TCAF2: variants seen among roughly 807,000 people sequenced by gnomAD.
TCAF2 encodes the protein TRPM8 channel associated factor 2.
Under a neutral mutation model 33.9 loss-of-function variants are expected in TCAF2, and 6 were observed. That is an observed-to-expected ratio of 0.18 (90% CI 0.10 to 0.35). The LOEUF is 0.35. TCAF2 is among the 10% of genes least tolerant of loss of function. The pLI is 1.00. For missense variants in TCAF2, 109 were observed against 604.0 expected, an observed-to-expected ratio of 0.18 and a Z score of 8.59; for synonymous variants, 41 against 247.8, an observed-to-expected ratio of 0.17 and a Z score of 7.84.
chr7:143,721,625 C>A (rs1178460502), intron 4 of TCAF2, among the ~76,000 whole-genome samples: 1 of 72,182 alleles, frequency 1.4e-5, no homozygotes. Context: ...AACTATGACA[C>A]TTGAGTTTTT....
At position 143,724,606 on chromosome 7, in the gene TCAF2, C is replaced by T; in HGVS notation, c.2414C>T (p.Pro805Leu). 10 of 1,610,882 alleles carry T rather than the reference C, an allele frequency of 6.2e-6. No individual in the cohort carries two copies. Among genetic ancestry groups the T allele is most frequent in the Non-Finnish European group, 8.5e-6 (10 of 1,179,588 alleles). ...RAQAHEALSP[P>L]ERERRIKAHL... ...CAGGCCCACGAGGCTCTGAGCCCTC[C>T]AGAGCGAGAGAGGAGAATCAAGGCC... is the stretch of plus-strand genomic sequence containing the variant. The change falls in exon 7 of 8, where the codon CCA becomes CTA. Residue 805 changes from proline to leucine, a missense_variant. Pro to Leu is a moderately conservative substitution (Grantham distance 98). Transcript: ENST00000684770.
intron 1 of TCAF2, among the ~76,000 whole-genome samples, chr7:143,648,513 G>A (rs1379387427): frequency 7.3e-6 from 1 of 137,822 alleles, no homozygotes; most frequent in Non-Finnish European, 1.6e-5. Context: ...GCAAAGGAAG[G>A]CTGTAAAAAC....
intron 1 of TCAF2, chr7:143,645,765 G>A (rs1255392513): frequency 3.1e-5 from 1 of 32,292 alleles, no homozygotes; most frequent in Non-Finnish European, 6.1e-5. Flanking sequence ...ATAACACTAG[G>A]CACTTCAGTC....
rs1176361213 is a variant in TCAF2 at position 143,721,077 on chromosome 7, G to A, written c.1616-204G>A. On this transcript the variant is annotated intron_variant, in intron 3 of 7. Transcript: ENST00000684770. ...TTACAGTCGTGAGCCACTGGGCCCA[G>A]CTGACTCCATTCTTCATCAGGTACT... 3.1e-5 allele frequency: 11 copies of A among 352,246 alleles called. 2 individuals are homozygous for A. Among genetic ancestry groups the A allele is most frequent in the Non-Finnish European group, 5.7e-5 (11 of 193,530 alleles). The allele number at this position is 352,246 out of a possible 1,614,324, so 21.8% of individuals were successfully genotyped here.
In TCAF2 at chr7:143,730,296, C is replaced by A. The variant is rs543141751; in HGVS notation, c.*2629C>A. The A allele has an allele frequency of 6.6e-5, 10 of 152,228 alleles. No homozygotes were observed. Among genetic ancestry groups the A allele is most frequent in the African/African-American group, 2.4e-4 (10 of 41,534 alleles). The allele number at this position is 152,228 out of a possible 1,614,324, so 9.4% of individuals were successfully genotyped here. ...TGTTTCCTGACTTTTTAATGATCGC[C>A]ATTCTAACTGGCATGAGATGGTACC... On this transcript the variant is annotated 3_prime_UTR_variant, in exon 8 of 8. Transcript: ENST00000684770.
At chr7:143,648,011 C>T (rs1039754745) in intron 1 of TCAF2, among the ~76,000 whole-genome samples, 2 of 106,918 alleles carry the variant, frequency 1.9e-5, no homozygotes, top group Admixed American at 1.1e-4. Flanking sequence ...CTCCACCTAC[C>T]GGGTTCAAGC....
Position 143,729,958 on chromosome 7 carries a change from C to T in TCAF2, c.*2291C>T, listed in dbSNP as rs1809776602. On this transcript the variant is annotated 3_prime_UTR_variant, in exon 8 of 8. Coordinates refer to ENST00000684770, the MANE Select transcript of TCAF2 (RefSeq NM_001363538.2). ...ATGAACTCATTCTTTTTCATGGCTGCATGGTATTCAATGGTATATATGCCA... is the reference window on the plus strand; with the variant it reads ...ATGAACTCATTCTTTTTCATGGCTGTATGGTATTCAATGGTATATATGCCA... 1 of 152,102 alleles carries T rather than the reference C, an allele frequency of 6.6e-6. No homozygotes were observed. The highest frequency in any genetic ancestry group is 6.5e-5 in the Admixed American group (1 of 15,274). The allele number at this position is 152,102 out of a possible 1,614,324, so 9.4% of individuals were successfully genotyped here.
In TCAF2 at chr7:143,714,176, C is replaced by T. The variant is rs1372747269; in HGVS notation, c.624-5507C>T. The stretch of plus-strand genomic sequence containing the variant: ...CTGCAGGTCTTCAAAATGTTTTTTA[C>T]AGCATCTGATCAACATAGTTCTCTC... On this transcript the variant is annotated intron_variant, in intron 2 of 7. Transcript: ENST00000684770. Among the ~76,000 whole-genome samples the T allele has an allele frequency of 3.4e-5, 2 of 58,000 alleles. 1 individual carries two copies. Among genetic ancestry groups the T allele is most frequent in the Non-Finnish European group, 6.0e-5 (2 of 33,234 alleles). 38.1% of individuals were successfully genotyped at this position (58,000 alleles called of 152,430 possible).
Position 143,730,406 on chromosome 7 carries a change from T to C in TCAF2, c.*2739T>C, listed in dbSNP as rs1037620024. The C allele has an allele frequency of 2.6e-5, 4 of 152,204 alleles. No homozygotes were observed. Among genetic ancestry groups the C allele is most frequent in the Non-Finnish European group, 5.9e-5 (4 of 68,034 alleles). 9.4% of individuals were successfully genotyped at this position (152,204 alleles called of 1,614,324 possible). A position where few individuals can be genotyped will look rare whatever the true frequency, so the allele number is the denominator to read the frequency against. On this transcript the variant is annotated 3_prime_UTR_variant, in exon 8 of 8. Transcript: ENST00000684770. ...TTTATTGGCCACATAAATGTCTTCT[T>C]TTGAGAAGTGTCTGTTCATATCCTT...
chr7:143,624,717 G>A lies in TCAF2; in HGVS notation c.-12+3697G>A. Among the ~76,000 whole-genome samples, 2 of 51,104 alleles carry A rather than the reference G, an allele frequency of 3.9e-5. 1 individual carries two copies. The highest frequency in any genetic ancestry group is 9.5e-5 in the Non-Finnish European group (2 of 21,140). The allele number at this position is 51,104 out of a possible 152,430, so 33.5% of individuals were successfully genotyped here. ...ATATTTGTTTGTTTGTGTGAGCACC[G>A]ATTGTTGATCATGCTGCATTCTGGA... On this transcript the variant is annotated intron_variant, in intron 1 of 7. Coordinates refer to ENST00000684770, the MANE Select transcript of TCAF2 (RefSeq NM_001363538.2).
Position 143,729,848 on chromosome 7 carries a change from G to T in TCAF2, c.*2181G>T, listed in dbSNP as rs1407438180. ...TTTTTCATCTCCCACTTATGAGTGA[G>T]AACATGTGTTGTTTGGTTTTCTGTT... On this transcript the variant is annotated 3_prime_UTR_variant, in exon 8 of 8. Coordinates refer to ENST00000684770, the MANE Select transcript of TCAF2 (RefSeq NM_001363538.2). 6.6e-6 allele frequency: 1 copy of T among 152,106 alleles called. No individual in the cohort carries two copies. The highest frequency in any genetic ancestry group is 2.4e-5 in the African/African-American group (1 of 41,400). 9.4% of individuals were successfully genotyped at this position (152,106 alleles called of 1,614,324 possible). A position where few individuals can be genotyped will look rare whatever the true frequency, so the allele number is the denominator to read the frequency against.
At position 143,724,490 on chromosome 7, in the gene TCAF2, T is replaced by C; in HGVS notation, c.2298T>C (p.His766=). 3 of 1,611,252 alleles carry C rather than the reference T, an allele frequency of 1.9e-6. No homozygotes were observed. The East Asian group carries it at 6.7e-5, about 36-fold the overall frequency. Residue 766 remains histidine, a synonymous_variant, in exon 7 of 8, where the codon CAT becomes CAC. Coordinates refer to ENST00000684770, the MANE Select transcript of TCAF2 (RefSeq NM_001363538.2). ...AGCTGGGCCACAACCAACAGCGGCA[T>C]GGATGGGAGTTCCCCCCACACACTA... ...IHELGHNQQR[H]GWEFPPHTTE...
chr7:143,646,540 A>G, intron 1 of TCAF2: 1 of 341,702 alleles, frequency 2.9e-6, no homozygotes, highest in Non-Finnish European at 3.6e-6. Context: ...CAAAAAAAAA[A>G]AGAATGGGGT....
At position 143,728,661 on chromosome 7, in the gene TCAF2, G is replaced by C. The variant is rs12540188; in HGVS notation, c.*994G>C. 1.3e-5 allele frequency: 2 copies of C among 152,240 alleles called. No individual in the cohort carries two copies. The highest frequency in any genetic ancestry group is 2.4e-5 in the African/African-American group (1 of 41,428). 9.4% of individuals were successfully genotyped at this position (152,240 alleles called of 1,614,324 possible). ...TGGAATCAAGGCACTGTCAAGTGGT[G>C]GGGGGTCCACAGGCACAGTGGGCTT... On this transcript the variant is annotated 3_prime_UTR_variant, in exon 8 of 8. Coordinates refer to ENST00000684770, the MANE Select transcript of TCAF2 (RefSeq NM_001363538.2).
chr7:143,729,216 T>G lies in TCAF2; in HGVS notation c.*1549T>G, dbSNP rs989631885. ...AGCAGACCTCTGAGGTAGGTACTAGTATGATCCCCATTTCGTACATGAGGA... is the reference window on the plus strand; with the variant it reads ...AGCAGACCTCTGAGGTAGGTACTAGGATGATCCCCATTTCGTACATGAGGA... On this transcript the variant is annotated 3_prime_UTR_variant, in exon 8 of 8. Coordinates refer to ENST00000684770, the MANE Select transcript of TCAF2 (RefSeq NM_001363538.2). The G allele has an allele frequency of 6.6e-6, 1 of 152,172 alleles. No individual in the cohort carries two copies. The highest frequency in any genetic ancestry group is 2.4e-5 in the African/African-American group (1 of 41,438). The allele number at this position is 152,172 out of a possible 1,614,324, so 9.4% of individuals were successfully genotyped here.
chr7:143,721,160 G>T (rs1289938910), intron 3 of TCAF2, 121 bp from the exon 4 acceptor site: 1 of 442,756 alleles, frequency 2.3e-6, no homozygotes, highest in African/African-American at 2.3e-5. Context: ...AGCCTAAGAA[G>T]TATGGATGAC....
At position 143,729,660 on chromosome 7, in the gene TCAF2, G is replaced by C. The variant is rs529162309; in HGVS notation, c.*1993G>C. ...GCAGAACGTGCAGGTTTGTTACATA[G>C]GTATACATGTGCCATGGTGGTTTGC... On this transcript the variant is annotated 3_prime_UTR_variant, in exon 8 of 8. Coordinates refer to ENST00000684770, the MANE Select transcript of TCAF2 (RefSeq NM_001363538.2). The C allele has an allele frequency of 5.9e-5, 9 of 151,852 alleles. No homozygotes were observed. The highest frequency in any genetic ancestry group is 2.2e-4 in the African/African-American group (9 of 41,400). 9.4% of individuals were successfully genotyped at this position (151,852 alleles called of 1,614,324 possible).
At chr7:143,725,562 C>T (rs1586691529) in intron 7 of TCAF2, among the ~76,000 whole-genome samples, 1 of 149,964 alleles carries the variant, frequency 6.7e-6, no homozygotes, top group Non-Finnish European at 1.5e-5. Flanking sequence ...AAGCCCCAGG[C>T]TTTCGCATTG....
rs1381335510 is a variant in TCAF2 at position 143,729,768 on chromosome 7, AACCTCCCG to A, written c.*2104_*2111del. 2 of 151,934 alleles carry A rather than the reference AACCTCCCG, an allele frequency of 1.3e-5. No individual in the cohort carries two copies. The highest frequency in any genetic ancestry group is 2.9e-5 in the Non-Finnish European group (2 of 67,972). 9.4% of individuals were successfully genotyped at this position (151,934 alleles called of 1,614,324 possible). Reference sequence around the variant, plus strand: ...TAATGCTCTCCCTCCCATTGCCCCCAACCTCCCGACAGGCCCCAGTGTGATGTTTCCCT... The same window carrying A: ...TAATGCTCTCCCTCCCATTGCCCCCAACAGGCCCCAGTGTGATGTTTCCCT... On this transcript the variant is annotated 3_prime_UTR_variant, in exon 8 of 8. Transcript: ENST00000684770.
Sources: gnomAD v4.1 joint callset for allele counts (sites outside exome capture counted in the v4.1 genomes callset) on GRCh38, gnomAD v4.1.1 for gene constraint, MANE v1.5 for transcripts, NCBI Gene and HGNC (gene_info 2026-07-23, HGNC 2026-07-21) for gene names.